Variants in TNFRSF11A observed in about 807,000 individuals in gnomAD.
The protein encoded by TNFRSF11A is tumor necrosis factor receptor superfamily member 11A.
TNFRSF11A carries 32 observed loss-of-function variants against 55.7 expected under a neutral mutation model. That is an observed-to-expected ratio of 0.57 (90% CI 0.43 to 0.77). The LOEUF is 0.77. Ranked by LOEUF, TNFRSF11A falls within the 30% of genes least tolerant of loss-of-function variation. The pLI is 0.00. For synonymous variants in TNFRSF11A, 311 were observed against 331.0 expected, an observed-to-expected ratio of 0.94 and a Z score of 0.65; for missense variants, 753 against 809.8, an observed-to-expected ratio of 0.93 and a Z score of 0.85.
chr18:62,375,112 C>A (rs1465952256), intron 9 of TNFRSF11A, among the ~76,000 whole-genome samples: 2 of 149,720 alleles, frequency 1.3e-5, no homozygotes, highest in East Asian at 2.0e-4. Flanking sequence ...GACTGAGTTT[C>A]GTCATGCTGC....
At position 62,385,116 on chromosome 18, in the gene TNFRSF11A, A is replaced by T; in HGVS notation, c.*82A>T. On this transcript the variant is annotated 3_prime_UTR_variant, in exon 10 of 10. Transcript: ENST00000586569. ...CGCAGCCTCTGCCCCAGCCCCGGCCACCCAGGGATCGATCGGTACAGTCGA... is the reference window on the plus strand; with the variant it reads ...CGCAGCCTCTGCCCCAGCCCCGGCCTCCCAGGGATCGATCGGTACAGTCGA... 2.2e-6 allele frequency: 3 copies of T among 1,356,210 alleles called. No individual in the cohort carries two copies. The South Asian group carries it at 5.1e-5, about 23-fold the overall frequency. The allele number at this position is 1,356,210 out of a possible 1,614,324, so 84.0% of individuals were successfully genotyped here.
intron 9 of TNFRSF11A, among the ~76,000 whole-genome samples, chr18:62,380,575 T>C (rs1203292980): frequency 1.3e-5 from 2 of 151,430 alleles, no homozygotes; most frequent in Non-Finnish European, 2.9e-5. Context: ...TAGCTGGGAC[T>C]ACAGGCGCCT....
In TNFRSF11A at chr18:62,347,816, A is replaced by G. The variant is rs1198274904; in HGVS notation, c.76-352A>G. 5.9e-5 allele frequency among the ~76,000 whole-genome samples: 9 copies of G among 152,130 alleles called. No homozygotes were observed. The East Asian group carries it at 1.7e-3, about 29-fold the overall frequency. On this transcript the variant is annotated intron_variant, in intron 1 of 9. Coordinates refer to ENST00000586569, the MANE Select transcript of TNFRSF11A (RefSeq NM_003839.4). The stretch of plus-strand genomic sequence containing the variant: ...CTACTTGGGAGGCTGAGGCAGGAGA[A>G]TCGCCTGAAACCAGAAAGCAGAGGT...
intron 1 of TNFRSF11A, among the ~76,000 whole-genome samples, chr18:62,339,512 G>A (rs537922505): frequency 1.3e-5 from 2 of 152,218 alleles, no homozygotes; most frequent in Admixed American, 6.5e-5. Flanking sequence ...TGGCACTGCT[G>A]TGTGGGGCTC....
At position 62,361,804 on chromosome 18, in the gene TNFRSF11A, T is replaced by A. The variant is rs750553090; in HGVS notation, c.730+11T>A. ...GGAAAGCACTCACAGGTATTGTGTC[T>A]ATGGTGGTTTTTGCAAACCAATCTT... is the stretch of plus-strand genomic sequence containing the variant. On this transcript the variant is annotated intron_variant, in intron 7 of 9. Coordinates refer to ENST00000586569, the MANE Select transcript of TNFRSF11A (RefSeq NM_003839.4). 1.2e-6 allele frequency: 2 copies of A among 1,610,764 alleles called. No individual in the cohort carries two copies. Among genetic ancestry groups the A allele is most frequent in the East Asian group, 4.5e-5 (2 of 44,866 alleles).
intron 9 of TNFRSF11A, among the ~76,000 whole-genome samples, chr18:62,376,383 GAGGGGAGGGAC>G (rs1910900269): frequency 6.8e-6 from 1 of 148,056 alleles, no homozygotes; most frequent in African/African-American, 2.5e-5. Flanking sequence ...GAGGAGGCAA[GAGGGGAGGGAC>G]AAGGCCTGGT....
At chr18:62,350,523 A>C (rs965396545) in intron 3 of TNFRSF11A, among the ~76,000 whole-genome samples, 1 of 152,090 alleles carries the variant, frequency 6.6e-6, no homozygotes, top group African/African-American at 2.4e-5. Flanking sequence ...CGATCTCCTG[A>C]CCTTGTGATC....
Position 62,388,175 on chromosome 18 carries a change from C to T in TNFRSF11A, c.*3141C>T, listed in dbSNP as rs1911856460. The T allele has an allele frequency of 2.0e-5, 3 of 152,236 alleles. No homozygotes were observed. In the South Asian group the frequency reaches 6.2e-4, roughly 32 times the overall value. 9.4% of individuals were successfully genotyped at this position (152,236 alleles called of 1,614,324 possible). On this transcript the variant is annotated 3_prime_UTR_variant, in exon 10 of 10. Transcript: ENST00000586569. ...TTGGGTGGTTCTTCAGGCCTGGTCC[C>T]TCCTGGCCTGGTTTGCTTACCCATT...
chr18:62,348,334 AAGAAATTGGAT>A, intron 2 of TNFRSF11A, 85 bp downstream of exon 2: 2 of 1,253,258 alleles, frequency 1.6e-6, no homozygotes, highest in Non-Finnish European at 2.3e-6. Context: ...AGATGAAAAA[AAGAAATTGGAT>A]AGACGCGTTA....
At chr18:62,358,407 G>C in intron 5 of TNFRSF11A, 66 bp downstream of exon 5, 1 of 1,471,820 alleles carries the variant, frequency 6.8e-7, no homozygotes. Flanking sequence ...CCACTGTCTC[G>C]TCTGGGTTGA....
At chr18:62,355,128 C>T (rs1366887938) in intron 4 of TNFRSF11A, among the ~76,000 whole-genome samples, 1 of 152,184 alleles carries the variant, frequency 6.6e-6, no homozygotes, top group Non-Finnish European at 1.5e-5. Context: ...TAGTTACTTT[C>T]TCTCCTTTTG....
Position 62,384,689 on chromosome 18 carries a change from G to C in TNFRSF11A, c.1568-62G>C, listed in dbSNP as rs578215216. ...CTCCACTCCCCGGAACCTTCCTCTC[G>C]GCAGACCCTGCCTCCGGGCGCTGAC... On this transcript the variant is annotated intron_variant, in intron 9 of 9. Transcript: ENST00000586569. The C allele has an allele frequency of 1.9e-6, 3 of 1,578,638 alleles. No individual in the cohort carries two copies. In the Admixed American group the frequency reaches 5.3e-5, roughly 28 times the overall value.
At chr18:62,368,586 G>T (rs1910269550) in intron 8 of TNFRSF11A, 115 bp from the exon 9 acceptor site, 1 of 1,101,692 alleles carries the variant, frequency 9.1e-7, no homozygotes, top group Admixed American at 2.0e-5. Flanking sequence ...TTTTCCATCT[G>T]TACTTGTTAT....
rs1043664973 is a variant in TNFRSF11A at position 62,390,135 on chromosome 18, G to T, written c.*5101G>T. The T allele has an allele frequency of 6.6e-6, 1 of 152,148 alleles. No individual in the cohort carries two copies. Among genetic ancestry groups the T allele is most frequent in the African/African-American group, 2.4e-5 (1 of 41,400 alleles). The allele number at this position is 152,148 out of a possible 1,614,324, so 9.4% of individuals were successfully genotyped here. ...ATTCCTGGGCTCAGGAGCCATCTCA[G>T]TCATCATGTCGGACCACGTAACTAT... is the stretch of plus-strand genomic sequence containing the variant. On this transcript the variant is annotated 3_prime_UTR_variant, in exon 10 of 10. Coordinates refer to ENST00000586569, the MANE Select transcript of TNFRSF11A (RefSeq NM_003839.4).
chr18:62,376,728 C>G (rs1386969359), intron 9 of TNFRSF11A, among the ~76,000 whole-genome samples: 1 of 152,146 alleles, frequency 6.6e-6, no homozygotes, highest in East Asian at 1.9e-4. Flanking sequence ...CCTCTGTGCT[C>G]TACTCACCCC....
chr18:62,339,310 G>A (rs1423401308), intron 1 of TNFRSF11A, among the ~76,000 whole-genome samples: 1 of 151,806 alleles, frequency 6.6e-6, no homozygotes, highest in African/African-American at 2.4e-5. Context: ...CCCTCCTCTC[G>A]AATCCTTCTG....
At chr18:62,377,690 T>G (rs577903936) in intron 9 of TNFRSF11A, among the ~76,000 whole-genome samples, 1 of 152,328 alleles carries the variant, frequency 6.6e-6, no homozygotes, top group Non-Finnish European at 1.5e-5. Context: ...CTGGATATCT[T>G]TGGTGAGGTG....
At chr18:62,340,493 CT>C (rs35713438) in intron 1 of TNFRSF11A, among the ~76,000 whole-genome samples, 29,319 of 145,576 alleles carry the variant, frequency 0.2, 3,483 homozygotes, top group Non-Finnish European at 0.27. Context: ...CTGTGCTAAG[CT>C]TTTTTTTTTT....
intron 3 of TNFRSF11A, among the ~76,000 whole-genome samples, chr18:62,353,712 C>CGTGTGTGT (rs35838037): frequency 2.0e-5 from 3 of 151,020 alleles, no homozygotes; most frequent in African/African-American, 7.3e-5. Context: ...ATAACAGATA[C>CGTGTGTGT]GTGTGTGTGT....
Sources: allele counts gnomAD v4.1 joint callset (sites outside exome capture counted in the v4.1 genomes callset), GRCh38; gene constraint gnomAD v4.1.1; transcripts MANE v1.5; gene names NCBI Gene and HGNC (gene_info 2026-07-23, HGNC 2026-07-21).